PIP4K2A: variants seen among roughly 807,000 people sequenced by gnomAD.
PIP4K2A encodes the protein phosphatidylinositol 5-phosphate 4-kinase type-2 alpha.
Under a neutral mutation model 42.9 loss-of-function variants are expected in PIP4K2A, and 14 were observed. That is an observed-to-expected ratio of 0.33 (90% CI 0.22 to 0.51). PIP4K2A has a LOEUF of 0.51. PIP4K2A is among the 20% of genes least tolerant of loss of function. The probability of loss-of-function intolerance (pLI) is 0.97; values close to 1 mark genes in which losing one functional copy is unlikely to be tolerated. For synonymous variants in PIP4K2A, 192 were observed against 192.2 expected (o/e 1.00, Z 0.01); for missense variants, 434 against 519.8 (o/e 0.83, Z 1.61).
chr10:22,703,177 A>C (rs1050407315), intron 1 of PIP4K2A, among the ~76,000 whole-genome samples: 1 of 152,166 alleles, frequency 6.6e-6, no homozygotes, highest in Admixed American at 6.5e-5. Context: ...AGGCTGAGGC[A>C]GGAGGATTAC....
At chr10:22,588,654 A>T (rs1837449449) in intron 4 of PIP4K2A, among the ~76,000 whole-genome samples, 1 of 152,222 alleles carries the variant, frequency 6.6e-6, no homozygotes, top group Non-Finnish European at 1.5e-5. Context: ...TGAATGAATG[A>T]AATGCAGGTG....
At chr10:22,640,488 T>G (rs1016135061) in intron 1 of PIP4K2A, among the ~76,000 whole-genome samples, 10 of 152,122 alleles carry the variant, frequency 6.6e-5, no homozygotes, top group African/African-American at 2.4e-4. Flanking sequence ...ACAGCAGCTG[T>G]GGGGAAAACA....
intron 7 of PIP4K2A, among the ~76,000 whole-genome samples, chr10:22,545,692 T>G (rs1055691118): frequency 6.6e-6 from 1 of 152,232 alleles, no homozygotes; most frequent in African/African-American, 2.4e-5. Flanking sequence ...GCAGTCACAA[T>G]GGGCATTGCA....
chr10:22,600,409 TG>T (rs1212880054), intron 3 of PIP4K2A, among the ~76,000 whole-genome samples: 1 of 152,096 alleles, frequency 6.6e-6, no homozygotes, highest in Non-Finnish European at 1.5e-5. Flanking sequence ...TTTAGAGACC[TG>T]ACAGCTGGGG....
At chr10:22,639,686 T>TA (rs749120848) in intron 1 of PIP4K2A, among the ~76,000 whole-genome samples, 6 of 152,228 alleles carry the variant, frequency 3.9e-5, no homozygotes, top group African/African-American at 7.2e-5. Context: ...ACTTATTTGC[T>TA]ATAGTGAATA....
At chr10:22,647,331 T>C (rs1588683919) in intron 1 of PIP4K2A, among the ~76,000 whole-genome samples, 1 of 150,352 alleles carries the variant, frequency 6.7e-6, no homozygotes, top group Admixed American at 6.6e-5. Context: ...TGTATGTGTG[T>C]GTGTGTGTGC....
intron 3 of PIP4K2A, among the ~76,000 whole-genome samples, chr10:22,598,007 T>C (rs963252069): frequency 1.3e-5 from 2 of 152,202 alleles, no homozygotes; most frequent in Non-Finnish European, 1.5e-5. Context: ...ATCAAATTCC[T>C]TGTCATGGAC....
At chr10:22,637,734 T>C (rs1838698899) in intron 1 of PIP4K2A, among the ~76,000 whole-genome samples, 1 of 152,038 alleles carries the variant, frequency 6.6e-6, no homozygotes, top group Non-Finnish European at 1.5e-5. Context: ...AAACCACAAC[T>C]CAGACACAAG....
At chr10:22,608,073 T>C (rs1225261184) in intron 2 of PIP4K2A, 50 bp from the exon 3 acceptor site, 1 of 1,205,976 alleles carries the variant, frequency 8.3e-7, no homozygotes, top group South Asian at 1.3e-5. Context: ...CAATCAGACT[T>C]GCATCTGCCA....
intron 6 of PIP4K2A, among the ~76,000 whole-genome samples, chr10:22,552,275 G>A (rs2130762370): frequency 6.6e-6 from 1 of 152,206 alleles, no homozygotes; most frequent in East Asian, 1.9e-4. Context: ...AGCAGGATGG[G>A]ATGTGTATGT....
At position 22,537,184 on chromosome 10, in the gene PIP4K2A, C is replaced by T. The variant is rs552667872; in HGVS notation, c.*17G>A. ...TGTCCATCCAATGTTCATGTCTGTCCGAGGCTGCGCAGGAGGTTACGTCAA... is the reference window on the plus strand; with the variant it reads ...TGTCCATCCAATGTTCATGTCTGTCTGAGGCTGCGCAGGAGGTTACGTCAA... On this transcript the variant is annotated 3_prime_UTR_variant, in exon 10 of 10. Transcript: ENST00000376573. 41 of 1,585,886 alleles carry T rather than the reference C, an allele frequency of 2.6e-5. No homozygotes were observed. The East Asian group carries it at 6.1e-4, about 24-fold the overall frequency.
intron 1 of PIP4K2A, among the ~76,000 whole-genome samples, chr10:22,632,792 T>C (rs1324295727): frequency 1.3e-5 from 2 of 152,220 alleles, no homozygotes; most frequent in African/African-American, 4.8e-5. Context: ...TAGGACATAA[T>C]ATATTCTTGA....
chr10:22,602,483 C>A (rs1017418534), intron 3 of PIP4K2A, among the ~76,000 whole-genome samples: 1 of 151,978 alleles, frequency 6.6e-6, no homozygotes, highest in African/African-American at 2.4e-5. Flanking sequence ...CATTGCCATT[C>A]CCCTGAGCAA....
chr10:22,567,014 T>C (rs2130786501), intron 6 of PIP4K2A, among the ~76,000 whole-genome samples: 1 of 152,318 alleles, frequency 6.6e-6, no homozygotes, highest in African/African-American at 2.4e-5. Context: ...ATCTATAAAA[T>C]TCAACTCAAA....
chr10:22,640,728 GT>G (rs1184848795), intron 1 of PIP4K2A, among the ~76,000 whole-genome samples: 3 of 152,196 alleles, frequency 2.0e-5, no homozygotes, highest in African/African-American at 7.2e-5. Flanking sequence ...TCTAAACGGG[GT>G]GATTGACACT....
chr10:22,707,556 C>T (rs2130926310), intron 1 of PIP4K2A, among the ~76,000 whole-genome samples: 1 of 152,268 alleles, frequency 6.6e-6, no homozygotes, highest in South Asian at 2.1e-4. Context: ...ATACTCTGTC[C>T]ATCCAAGAAG....
intron 1 of PIP4K2A, among the ~76,000 whole-genome samples, chr10:22,689,372 A>T (rs1395281401): frequency 6.6e-6 from 1 of 152,202 alleles, no homozygotes; most frequent in Non-Finnish European, 1.5e-5. Context: ...CAGGTCCTCC[A>T]TATTTTCAGG....
intron 1 of PIP4K2A, among the ~76,000 whole-genome samples, chr10:22,610,663 T>G (rs768949266): frequency 6.6e-5 from 10 of 152,180 alleles, no homozygotes; most frequent in Non-Finnish European, 1.5e-4. Flanking sequence ...AAAGTGAGTT[T>G]AATCCACAGG....
chr10:22,713,752 C>A (rs1833957575), intron 1 of PIP4K2A, among the ~76,000 whole-genome samples: 1 of 152,002 alleles, frequency 6.6e-6, no homozygotes, highest in African/African-American at 2.4e-5. Flanking sequence ...GCGGAAGACG[C>A]GGGCGCCGCG....
Sources: gnomAD v4.1 joint callset for allele counts (sites outside exome capture counted in the v4.1 genomes callset) on GRCh38, gnomAD v4.1.1 for gene constraint, MANE v1.5 for transcripts, NCBI Gene and HGNC (gene_info 2026-07-23, HGNC 2026-07-21) for gene names.